The following CDC14B variants were observed in gnomAD, a reference collection of about 807,000 sequenced individuals.
CDC14B encodes the protein cell division cycle 14B, also known as dual specificity protein phosphatase CDC14B.
A neutral mutation model predicts 64.2 loss-of-function variants in CDC14B; 22 were observed. That is an observed-to-expected ratio of 0.34 (90% CI 0.24 to 0.49). CDC14B has a LOEUF of 0.49. CDC14B is among the 20% of genes least tolerant of loss of function. The pLI, the probability that CDC14B is intolerant of heterozygous loss-of-function variation, is 0.99. For missense variants in CDC14B, 498 were observed against 629.9 expected (o/e 0.79, Z 2.24); for synonymous variants, 191 against 215.8 (o/e 0.89, Z 1.01).
At position 96,523,583 on chromosome 9, in the gene CDC14B, T is replaced by G. The variant is rs774537807; in HGVS notation, c.1085+4A>C. 1.2e-6 allele frequency: 2 copies of G among 1,614,026 alleles called. No homozygotes were observed. Among genetic ancestry groups the G allele is most frequent in the Non-Finnish European group, 1.7e-6 (2 of 1,180,028 alleles). On this transcript the variant is annotated splice_donor_region_variant and intron_variant, in intron 10 of 13. Coordinates refer to ENST00000375241, the MANE Select transcript of CDC14B (RefSeq NM_033331.4). ...GGGAACTACAGACGTAGGCTACTAC[T>G]TACATCACCAAAAACTGCTGCTGAG...
chr9:96,575,404 G>C (rs1182842098), intron 1 of CDC14B, among the ~76,000 whole-genome samples: 1 of 152,116 alleles, frequency 6.6e-6, no homozygotes, highest in African/African-American at 2.4e-5. Context: ...AGAAGCCCTG[G>C]ACATCTCCCC....
In CDC14B at chr9:96,531,440, C is replaced by T. The variant is rs751957915; in HGVS notation, c.946+2487G>A. ...TGTCCTACAATACTGATCATTTTTACGTACTGATCAGCTTTATTTCTGTAG... is the reference window on the plus strand; with the variant it reads ...TGTCCTACAATACTGATCATTTTTATGTACTGATCAGCTTTATTTCTGTAG... On this transcript the variant is annotated intron_variant, in intron 9 of 13. Coordinates refer to ENST00000375241, the MANE Select transcript of CDC14B (RefSeq NM_033331.4). 7.9e-5 allele frequency among the ~76,000 whole-genome samples: 12 copies of T among 152,196 alleles called. No homozygotes were observed. The South Asian group carries it at 1.5e-3, about 18-fold the overall frequency.
intron 9 of CDC14B, among the ~76,000 whole-genome samples, chr9:96,527,548 TC>T (rs1248216266): frequency 4.6e-5 from 7 of 152,318 alleles, no homozygotes; most frequent in Middle Eastern, 3.4e-3. Flanking sequence ...ATTACCACCA[TC>T]CATCTTCAGA....
intron 1 of CDC14B, among the ~76,000 whole-genome samples, chr9:96,617,945 C>T (rs1299423847): frequency 2.0e-5 from 3 of 152,186 alleles, no homozygotes; most frequent in East Asian, 1.9e-4. Context: ...ACAACGTTAG[C>T]GGGACTTGGC....
At chr9:96,609,949 T>C (rs1431825690) in intron 1 of CDC14B, among the ~76,000 whole-genome samples, 1 of 152,206 alleles carries the variant, frequency 6.6e-6, no homozygotes, top group East Asian at 1.9e-4. Context: ...AGACAATGAA[T>C]AGGACCAAAT....
chr9:96,532,488 A>C (rs148158297), intron 9 of CDC14B, among the ~76,000 whole-genome samples: 173 of 152,026 alleles, frequency 1.1e-3, no homozygotes, highest in African/African-American at 3.9e-3. Flanking sequence ...GAGTTTGTTG[A>C]GCTTCTTGGA....
At chr9:96,601,796 A>ACT (rs1846487947) in intron 1 of CDC14B, among the ~76,000 whole-genome samples, 1 of 116,396 alleles carries the variant, frequency 8.6e-6, no homozygotes, top group African/African-American at 4.3e-5. Context: ...GCTGTCTCGA[A>ACT]AAAAAAAAAA....
At chr9:96,495,805 A>G (rs1450778932), downstream of CDC14B, among the ~76,000 whole-genome samples, 1 of 152,186 alleles carries the variant, frequency 6.6e-6, no homozygotes. Context: ...AGGCCCAGGC[A>G]GGGTGAGGCT....
chr9:96,551,860 C>A lies in CDC14B; in HGVS notation c.433G>T (p.Gly145Trp). 1 of 1,608,104 alleles carries A rather than the reference C, an allele frequency of 6.2e-7. No homozygotes were observed. The highest frequency in any genetic ancestry group is 1.1e-5 in the South Asian group (1 of 89,844). The change falls in exon 5 of 14, where the codon GGG becomes TGG. Residue 145 changes from glycine (G) to tryptophan (W), a missense_variant. Transcript: ENST00000375241. ...CTATATGCTTCTTCTGGGGTTCTCC[C>A]CAAATATATAACCTATGTTTGAAAA... ...LVGCYMVIYL[G>W]RTPEEAYRIL...
intron 3 of CDC14B, 130 bp from the exon 4 acceptor site, chr9:96,562,915 A>G (rs1249224696): frequency 3.1e-6 from 2 of 655,626 alleles, no homozygotes; most frequent in African/African-American, 3.6e-5. Flanking sequence ...TGAAAAGATT[A>G]ACATTGATAC....
chr9:96,530,861 T>C (rs974685606), intron 9 of CDC14B, among the ~76,000 whole-genome samples: 18 of 152,170 alleles, frequency 1.2e-4, no homozygotes, highest in Non-Finnish European at 2.4e-4. Flanking sequence ...TGTACTGTGT[T>C]TTTATCACAA....
intron 1 of CDC14B, among the ~76,000 whole-genome samples, chr9:96,579,798 C>T (rs912762491): frequency 1.7e-4 from 26 of 152,248 alleles, no homozygotes; most frequent in African/African-American, 6.0e-4. Context: ...GCAGACTATG[C>T]ATAGCGTATT....
intron 1 of CDC14B, among the ~76,000 whole-genome samples, chr9:96,585,904 G>T (rs1386860401): frequency 6.6e-6 from 1 of 152,146 alleles, no homozygotes; most frequent in Non-Finnish European, 1.5e-5. Context: ...TCATACAAGG[G>T]AACACCGCTC....
intron 1 of CDC14B, among the ~76,000 whole-genome samples, chr9:96,606,981 T>A (rs926669477): frequency 1.3e-5 from 2 of 151,766 alleles, no homozygotes; most frequent in African/African-American, 4.8e-5. Context: ...CTGCTATGAT[T>A]GTGTCACTGC....
At chr9:96,605,029 C>T (rs1486801997) in intron 1 of CDC14B, among the ~76,000 whole-genome samples, 1 of 152,034 alleles carries the variant, frequency 6.6e-6, no homozygotes, top group Non-Finnish European at 1.5e-5. Context: ...CTAACAAATC[C>T]GCCCTGTCAC....
chr9:96,519,567 C>G (rs1482488950), intron 12 of CDC14B, among the ~76,000 whole-genome samples: 1 of 151,782 alleles, frequency 6.6e-6, no homozygotes, highest in Admixed American at 6.6e-5. Flanking sequence ...GAAACCTTGT[C>G]TCTACTAAAA....
At chr9:96,494,709 C>T (rs1833173683) in intron 13 of CDC14B, among the ~76,000 whole-genome samples, 1 of 151,890 alleles carries the variant, frequency 6.6e-6, no homozygotes, top group Non-Finnish European at 1.5e-5. Context: ...TTCTTTCTTT[C>T]TTTCTTCCTT....
chr9:96,561,770 A>AGCCACT (rs990650543), intron 4 of CDC14B, among the ~76,000 whole-genome samples: 3 of 151,998 alleles, frequency 2.0e-5, no homozygotes, highest in Admixed American at 2.0e-4. Flanking sequence ...TACAGGCGTA[A>AGCCACT]GCCACTGCGC....
At chr9:96,585,258 G>A (rs1845393325) in intron 1 of CDC14B, among the ~76,000 whole-genome samples, 1 of 151,324 alleles carries the variant, frequency 6.6e-6, no homozygotes, top group Non-Finnish European at 1.5e-5. Context: ...TGTGCAGAAC[G>A]TGTATACATG....
Sources: gnomAD v4.1 joint callset for allele counts (sites outside exome capture counted in the v4.1 genomes callset) on GRCh38, gnomAD v4.1.1 for gene constraint, MANE v1.5 for transcripts, NCBI Gene and HGNC (gene_info 2026-07-23, HGNC 2026-07-21) for gene names.